Variants in M1AP observed in about 807,000 individuals in gnomAD.
M1AP encodes meiosis 1 associated protein, also known as meiosis 1 arrest protein.
M1AP carries 39 observed loss-of-function variants against 51.2 expected under a neutral mutation model. That is an observed-to-expected ratio of 0.76 (90% CI 0.59 to 1.00). The LOEUF (loss-of-function observed/expected upper bound fraction) is 1.00. M1AP is among the 50% of genes least tolerant of loss of function. The probability of loss-of-function intolerance (pLI) is 0.00; values close to 1 mark genes in which losing one functional copy is unlikely to be tolerated. For missense variants in M1AP, 545 were observed against 641.2 expected, an observed-to-expected ratio of 0.85 and a Z score of 1.62; for synonymous variants, 251 against 249.2, an observed-to-expected ratio of 1.01 and a Z score of -0.07.
intron 4 of M1AP, among the ~76,000 whole-genome samples, chr2:74,584,445 T>C (rs1679584408): frequency 7.2e-6 from 1 of 138,864 alleles, no homozygotes; most frequent in Non-Finnish European, 1.5e-5. Context: ...ACTGTCTCAG[T>C]TGCAAAAAAA....
At chr2:74,602,596 C>A (rs10203983) in intron 4 of M1AP, among the ~76,000 whole-genome samples, 3,583 of 152,206 alleles carry the variant, frequency 0.024, 122 homozygotes, top group African/African-American at 0.072. Flanking sequence ...AATTTTGGAG[C>A]ACACATCCTT....
In M1AP at chr2:74,613,057, T is replaced by C. The variant is rs770958950; in HGVS notation, c.426+1907A>G. On this transcript the variant is annotated intron_variant, in intron 3 of 10. Coordinates refer to ENST00000421985, the MANE Select transcript of M1AP (RefSeq NM_001321739.2). Reference sequence around the variant, plus strand: ...AACTCAAAGATTCTTTCTTCAGCCATAGGTCTACAAATAAGCCCATCACAG... The same window carrying C: ...AACTCAAAGATTCTTTCTTCAGCCACAGGTCTACAAATAAGCCCATCACAG... Among the ~76,000 whole-genome samples the C allele has an allele frequency of 2.6e-5, 4 of 152,190 alleles. No individual in the cohort carries two copies. The South Asian group carries it at 6.2e-4, about 24-fold the overall frequency.
intron 5 of M1AP, chr2:74,576,973 AGGAGG>A: frequency 9.9e-7 from 1 of 1,009,644 alleles, no homozygotes; most frequent in Non-Finnish European, 1.2e-6. Context: ...TCCTCTGTGG[AGGAGG>A]TAGCTAATGC....
chr2:74,637,116 G>A (rs976953162), intron 2 of M1AP, among the ~76,000 whole-genome samples: 2 of 151,962 alleles, frequency 1.3e-5, no homozygotes, highest in Non-Finnish European at 2.9e-5. Context: ...GCTCAATTAT[G>A]TTCTATCCAT....
chr2:74,642,350 G>A (rs368576478), intron 1 of M1AP, among the ~76,000 whole-genome samples: 27 of 151,900 alleles, frequency 1.8e-4, no homozygotes, highest in South Asian at 6.2e-4. Context: ...TATCAATCAC[G>A]TAATTCGTCA....
At chr2:74,571,166 G>A (rs1678717798) in intron 7 of M1AP, among the ~76,000 whole-genome samples, 1 of 152,216 alleles carries the variant, frequency 6.6e-6, no homozygotes, top group Non-Finnish European at 1.5e-5. Flanking sequence ...CCAGTTAGGA[G>A]TTTACTGAAG....
intron 1 of M1AP, 63 bp from the exon 2 acceptor site, chr2:74,640,390 A>G: frequency 1.5e-6 from 2 of 1,355,504 alleles, no homozygotes; most frequent in Non-Finnish European, 2.0e-6. Flanking sequence ...CTGTTGAAAT[A>G]TAAAATACAA....
At chr2:74,606,216 A>C (rs1010841509) in intron 4 of M1AP, among the ~76,000 whole-genome samples, 3 of 152,198 alleles carry the variant, frequency 2.0e-5, no homozygotes, top group African/African-American at 7.2e-5. Flanking sequence ...AAACTGCACA[A>C]ATTCAAAGAT....
chr2:74,646,952 C>T lies in M1AP; in HGVS notation c.-53+1313G>A, dbSNP rs1291005923. Among the ~76,000 whole-genome samples, 4 of 152,288 alleles carry T rather than the reference C, an allele frequency of 2.6e-5. No individual in the cohort carries two copies. In the East Asian group the frequency reaches 7.7e-4, roughly 29 times the overall value. Reference sequence around the variant, plus strand: ...CAGCTCTCTTCCTTACATCCTCAAACATCATCAATTCATGCATCTGATGTG... The same window carrying T: ...CAGCTCTCTTCCTTACATCCTCAAATATCATCAATTCATGCATCTGATGTG... On this transcript the variant is annotated intron_variant, in intron 1 of 10. Coordinates refer to ENST00000421985, the MANE Select transcript of M1AP (RefSeq NM_001321739.2).
chr2:74,618,542 A>G (rs1681808202), intron 2 of M1AP, among the ~76,000 whole-genome samples: 1 of 152,140 alleles, frequency 6.6e-6, no homozygotes, highest in Non-Finnish European at 1.5e-5. Context: ...ACAATCCTCG[A>G]TCCTCAGGCC....
chr2:74,600,074 G>T (rs575359463), intron 4 of M1AP, among the ~76,000 whole-genome samples: 3 of 152,174 alleles, frequency 2.0e-5, no homozygotes, highest in South Asian at 4.1e-4. Context: ...CTGAACTGTT[G>T]ATCTCTATTG....
At chr2:74,618,691 T>C (rs1681820643) in intron 2 of M1AP, among the ~76,000 whole-genome samples, 2 of 152,216 alleles carry the variant, frequency 1.3e-5, no homozygotes, top group Non-Finnish European at 2.9e-5. Context: ...ACTTGACAGA[T>C]TAGTGTCTTT....
Position 74,612,966 on chromosome 2 carries a change from T to A in M1AP, c.426+1998A>T, listed in dbSNP as rs180904862. Among the ~76,000 whole-genome samples, 325 of 148,506 alleles carry A rather than the reference T, an allele frequency of 2.2e-3. 2 individuals are homozygous for A. The highest frequency in any genetic ancestry group is 8.0e-3 in the African/African-American group (303 of 38,082). On this transcript the variant is annotated intron_variant, in intron 3 of 10. Coordinates refer to ENST00000421985, the MANE Select transcript of M1AP (RefSeq NM_001321739.2). ...CAGTTCTTGAATATTCTGCTCTGGG[T>A]TTTTTTTCCAGTTTTTTTTTCTCTT...
At chr2:74,639,887 C>T in intron 2 of M1AP, 149 bp downstream of exon 2, 1 of 695,886 alleles carries the variant, frequency 1.4e-6, no homozygotes, top group East Asian at 2.7e-5. Flanking sequence ...AGGATGCCCT[C>T]TGGCTCTCAT....
Position 74,640,359 on chromosome 2 carries a change from T to C in M1AP, c.-52-32A>G. The C allele has an allele frequency of 9.8e-6, 15 of 1,528,018 alleles. No individual in the cohort carries two copies. The South Asian group carries it at 1.8e-4, about 18-fold the overall frequency. The allele number at this position is 1,528,018 out of a possible 1,614,324, so 94.7% of individuals were successfully genotyped here. On this transcript the variant is annotated intron_variant, in intron 1 of 10. Coordinates refer to ENST00000421985, the MANE Select transcript of M1AP (RefSeq NM_001321739.2). The stretch of plus-strand genomic sequence containing the variant: ...GGAAGGAAAGAGAAACCACTGGTTT[T>C]CAAACTGAATTATGTGTGCTCTGTT...
intron 2 of M1AP, among the ~76,000 whole-genome samples, chr2:74,633,980 T>G (rs1028332274): frequency 6.6e-6 from 1 of 152,202 alleles, no homozygotes; most frequent in Non-Finnish European, 1.5e-5. Context: ...GCTCCTTACA[T>G]AAATACTCAA....
At chr2:74,636,361 T>C (rs1246714340) in intron 2 of M1AP, among the ~76,000 whole-genome samples, 2 of 152,144 alleles carry the variant, frequency 1.3e-5, no homozygotes, top group African/African-American at 2.4e-5. Flanking sequence ...TTGAAGTTAG[T>C]TTCTTTTAGA....
At chr2:74,613,189 G>A (rs1410068647) in intron 3 of M1AP, among the ~76,000 whole-genome samples, 1 of 151,390 alleles carries the variant, frequency 6.6e-6, no homozygotes, top group African/African-American at 2.4e-5. Flanking sequence ...CTTTCATTCC[G>A]TCTGCTTTAT....
chr2:74,602,047 C>T (rs1408270510), intron 4 of M1AP, among the ~76,000 whole-genome samples: 1 of 152,084 alleles, frequency 6.6e-6, no homozygotes, highest in Non-Finnish European at 1.5e-5. Context: ...ATGATCATGG[C>T]TATTGGAGTA....
Sources: gnomAD v4.1 joint callset for allele counts (sites outside exome capture counted in the v4.1 genomes callset) on GRCh38, gnomAD v4.1.1 for gene constraint, MANE v1.5 for transcripts, NCBI Gene and HGNC (gene_info 2026-07-23, HGNC 2026-07-21) for gene names.